MDGA2: variants seen among roughly 807,000 people sequenced by gnomAD.
MDGA2 encodes MAM domain-containing glycosylphosphatidylinositol anchor protein 2.
MDGA2 carries 40 observed loss-of-function variants against 117.8 expected under a neutral mutation model. That is an observed-to-expected ratio of 0.34 (90% CI 0.26 to 0.44). The LOEUF is 0.44. Among genes scored for constraint, MDGA2 ranks in the 20% least tolerant of loss-of-function variants. MDGA2 has a pLI of 1.00. For missense variants in MDGA2, 1,123 were observed against 1,250.6 expected (o/e 0.90, Z 1.54); for synonymous variants, 452 against 439.0 (o/e 1.03, Z -0.37).
chr14:47,513,994 A>ATGT (rs1894698520), intron 1 of MDGA2, among the ~76,000 whole-genome samples: 2 of 152,160 alleles, frequency 1.3e-5, no homozygotes, highest in Non-Finnish European at 2.9e-5. Flanking sequence ...TAGTAGGCTA[A>ATGT]AACATTATGT....
intron 1 of MDGA2, among the ~76,000 whole-genome samples, chr14:47,548,202 T>A (rs777544530): frequency 3.3e-5 from 5 of 152,214 alleles, no homozygotes; most frequent in Admixed American, 6.5e-5. Context: ...GTTTATTACA[T>A]AGTTTCCTTT....
chr14:47,316,433 T>G (rs1270591573), intron 1 of MDGA2, among the ~76,000 whole-genome samples: 2 of 152,106 alleles, frequency 1.3e-5, no homozygotes, highest in Non-Finnish European at 2.9e-5. Context: ...TAAAGTTCTC[T>G]TTTTGAGGTC....
rs1056116476 is a variant in MDGA2, at chr14:46,940,360, G to A, written c.2089+17014C>T. 1.2e-4 allele frequency among the ~76,000 whole-genome samples: 19 copies of A among 152,124 alleles called. 1 individual carries two copies. Among genetic ancestry groups the A allele is most frequent in the African/African-American group, 4.6e-4 (19 of 41,434 alleles). ...CCTAATAGTTCCGGCCAGGCGCGGTGGCTCACGCCTGTAATCCCAGCACGT... is the reference window on the plus strand; with the variant it reads ...CCTAATAGTTCCGGCCAGGCGCGGTAGCTCACGCCTGTAATCCCAGCACGT... On this transcript the variant is annotated intron_variant, in intron 9 of 16. Transcript: ENST00000399232.
intron 2 of MDGA2, among the ~76,000 whole-genome samples, chr14:47,285,649 G>A (rs1888646068): frequency 6.6e-6 from 1 of 151,932 alleles, no homozygotes; most frequent in South Asian, 2.1e-4. Context: ...GTCCAAGCTG[G>A]GTAGTAAAAT....
chr14:47,072,865 T>C (rs1158739380), intron 6 of MDGA2, among the ~76,000 whole-genome samples: 2 of 152,204 alleles, frequency 1.3e-5, no homozygotes, highest in Non-Finnish European at 2.9e-5. Flanking sequence ...AAAAGTGCCA[T>C]AGCATATCTT....
At chr14:47,247,632 T>TTTATTATTATTA (rs71448183) in intron 2 of MDGA2, among the ~76,000 whole-genome samples, 3,433 of 146,094 alleles carry the variant, frequency 0.023, 114 homozygotes, top group East Asian at 0.14. Flanking sequence ...TCAGTACATA[T>TTTATTATTATTA]TTATTATTAT....
intron 1 of MDGA2, among the ~76,000 whole-genome samples, chr14:47,425,005 A>G (rs1257657048): frequency 3.9e-5 from 6 of 152,186 alleles, no homozygotes; most frequent in Non-Finnish European, 8.8e-5. Flanking sequence ...GATAGGGGAA[A>G]TCCAGTAAAG....
At chr14:47,198,054 AT>A (rs11429936) in intron 3 of MDGA2, among the ~76,000 whole-genome samples, 13 of 151,782 alleles carry the variant, frequency 8.6e-5, no homozygotes, top group East Asian at 5.8e-4. Context: ...TAAAAAATGT[AT>A]TTTTTTTACT....
intron 1 of MDGA2, among the ~76,000 whole-genome samples, chr14:47,339,918 G>T (rs538282874): frequency 2.0e-5 from 3 of 152,108 alleles, no homozygotes; most frequent in African/African-American, 4.8e-5. Context: ...TATCCACACA[G>T]GTGTTTTCCC....
intron 2 of MDGA2, among the ~76,000 whole-genome samples, chr14:47,281,446 T>C (rs1183820364): frequency 6.6e-6 from 1 of 152,208 alleles, no homozygotes; most frequent in Non-Finnish European, 1.5e-5. Flanking sequence ...ATTGTGTTTA[T>C]TTCCATTTTT....
intron 1 of MDGA2, among the ~76,000 whole-genome samples, chr14:47,372,101 CATT>C (rs1233238995): frequency 1.3e-5 from 2 of 151,568 alleles, no homozygotes; most frequent in Non-Finnish European, 3.0e-5. Context: ...ACCTTAGAAA[CATT>C]ATGTCCTTTG....
chr14:47,030,044 T>A (rs1888606519), intron 8 of MDGA2, among the ~76,000 whole-genome samples: 1 of 151,830 alleles, frequency 6.6e-6, no homozygotes, highest in Non-Finnish European at 1.5e-5. Flanking sequence ...GCCAGAATGG[T>A]CTCAATCTCT....
chr14:47,379,832 G>A (rs970654140), intron 1 of MDGA2, among the ~76,000 whole-genome samples: 5 of 152,056 alleles, frequency 3.3e-5, no homozygotes, highest in Non-Finnish European at 7.4e-5. Flanking sequence ...AACTTCACAA[G>A]GATATCCAGG....
intron 3 of MDGA2, among the ~76,000 whole-genome samples, chr14:47,175,400 A>G (rs1054224020): frequency 2.0e-5 from 3 of 151,288 alleles, no homozygotes; most frequent in African/African-American, 4.9e-5. Context: ...AAAATCCTCA[A>G]TAAAATACTG....
chr14:46,990,881 CACACA>C (rs2138430765), intron 8 of MDGA2, among the ~76,000 whole-genome samples: 1 of 143,952 alleles, frequency 6.9e-6, no homozygotes, highest in South Asian at 2.2e-4. Context: ...CACACACACA[CACACA>C]CACACACACA....
At chr14:47,050,074 T>C (rs1446216095) in intron 7 of MDGA2, among the ~76,000 whole-genome samples, 2 of 151,992 alleles carry the variant, frequency 1.3e-5, no homozygotes, top group African/African-American at 2.4e-5. Context: ...AAAATACATT[T>C]CTCAGAGTGT....
intron 1 of MDGA2, among the ~76,000 whole-genome samples, chr14:47,358,864 T>C (rs1891051053): frequency 6.6e-6 from 1 of 152,194 alleles, no homozygotes; most frequent in Non-Finnish European, 1.5e-5. Flanking sequence ...GGAAAACTAA[T>C]ATTGTTAAAA....
intron 9 of MDGA2, among the ~76,000 whole-genome samples, chr14:46,943,625 T>A (rs1885072130): frequency 6.6e-6 from 1 of 152,094 alleles, no homozygotes; most frequent in African/African-American, 2.4e-5. Flanking sequence ...GAGGTCCCTA[T>A]TTACTTCTCA....
At chr14:46,889,866 C>G (rs1477018792) in intron 10 of MDGA2, among the ~76,000 whole-genome samples, 2 of 152,042 alleles carry the variant, frequency 1.3e-5, no homozygotes, top group African/African-American at 4.8e-5. Flanking sequence ...TCCTCAACTA[C>G]ATGTTGGGAA....
Sources: gnomAD v4.1 joint callset for allele counts (sites outside exome capture counted in the v4.1 genomes callset) on GRCh38, gnomAD v4.1.1 for gene constraint, MANE v1.5 for transcripts, NCBI Gene and HGNC (gene_info 2026-07-23, HGNC 2026-07-21) for gene names.